ZMIZ1: variants seen among roughly 807,000 people sequenced by gnomAD.
ZMIZ1 encodes zinc finger MIZ domain-containing protein 1.
Under a neutral mutation model 113.9 loss-of-function variants are expected in ZMIZ1, and 17 were observed. The ratio of observed to expected loss-of-function variants is 0.15; its 90% confidence interval spans 0.10 to 0.22. The LOEUF is 0.22. Ranked by LOEUF, ZMIZ1 falls within the 10% of genes least tolerant of loss-of-function variation. ZMIZ1 has a pLI of 1.00. For missense variants in ZMIZ1, 1,059 were observed against 1,477.8 expected (o/e 0.72, Z 4.65); for synonymous variants, 607 against 603.1 (o/e 1.01, Z -0.09).
chr10:79,089,097 T>C (rs1274954400), intron 1 of ZMIZ1, among the ~76,000 whole-genome samples: 1 of 152,252 alleles, frequency 6.6e-6, no homozygotes, highest in Admixed American at 6.5e-5. Flanking sequence ...TGTCTGCCCC[T>C]GCCCCTCCGA....
intron 24 of ZMIZ1, 74 bp downstream of exon 24, chr10:79,311,258 G>C: frequency 1.4e-6 from 2 of 1,400,270 alleles, no homozygotes; most frequent in South Asian, 1.3e-5. Flanking sequence ...GAAGGGGTGG[G>C]TGTGAGGGCT....
chr10:79,194,194 C>T (rs1022776009), intron 4 of ZMIZ1, among the ~76,000 whole-genome samples: 1 of 152,222 alleles, frequency 6.6e-6, no homozygotes, highest in Non-Finnish European at 1.5e-5. Flanking sequence ...CACAGCTCCC[C>T]GGGGACCCCC....
chr10:79,304,546 G>A (rs575537603), intron 19 of ZMIZ1, among the ~76,000 whole-genome samples: 67 of 152,312 alleles, frequency 4.4e-4, no homozygotes, highest in African/African-American at 1.3e-3. Flanking sequence ...TAGCCCTGGC[G>A]TGAGTGACAG....
intron 6 of ZMIZ1, among the ~76,000 whole-genome samples, chr10:79,211,309 C>T (rs1201703095): frequency 6.6e-6 from 1 of 152,120 alleles, no homozygotes; most frequent in Non-Finnish European, 1.5e-5. Context: ...GCCTCTGGGC[C>T]CTGTTGCCGG....
intron 1 of ZMIZ1, among the ~76,000 whole-genome samples, chr10:79,087,765 C>CT (rs1242640638): frequency 6.6e-6 from 1 of 152,244 alleles, no homozygotes; most frequent in Non-Finnish European, 1.5e-5. Flanking sequence ...CCTCTCTGCT[C>CT]TGTCTGCCTG....
chr10:79,103,542 A>T (rs915576026), intron 1 of ZMIZ1, among the ~76,000 whole-genome samples: 3 of 147,628 alleles, frequency 2.0e-5, no homozygotes, highest in African/African-American at 7.6e-5. Flanking sequence ...GGGGGTGGAG[A>T]GGGCATTTGA....
chr10:79,151,972 C>T (rs1845731104), intron 3 of ZMIZ1, among the ~76,000 whole-genome samples: 1 of 152,214 alleles, frequency 6.6e-6, no homozygotes, highest in Non-Finnish European at 1.5e-5. Flanking sequence ...GCCATCTGGG[C>T]CCCCTGGGCT....
chr10:79,089,390 C>T (rs1433960133), intron 1 of ZMIZ1, among the ~76,000 whole-genome samples: 1 of 152,228 alleles, frequency 6.6e-6, no homozygotes, highest in East Asian at 1.9e-4. Context: ...GCTCACTTTC[C>T]TTCTACGAGA....
chr10:79,231,583 T>G lies in ZMIZ1; in HGVS notation c.280+15309T>G, dbSNP rs541707695. On this transcript the variant is annotated intron_variant, in intron 7 of 24. Coordinates refer to ENST00000334512, the MANE Select transcript of ZMIZ1 (RefSeq NM_020338.4). ...GGGGGTTTTGTTTGTTTGTTTTTTG[T>G]TTTTTTTTGTTTTGAGACGGAGTCT... Among the ~76,000 whole-genome samples, 715 of 150,320 alleles carry G rather than the reference T, an allele frequency of 4.8e-3. 7 individuals are homozygous for G. Among genetic ancestry groups the G allele is most frequent in the African/African-American group, 0.016 (653 of 40,808 alleles).
At chr10:79,132,676 A>G (rs2132379451) in intron 2 of ZMIZ1, among the ~76,000 whole-genome samples, 1 of 152,336 alleles carries the variant, frequency 6.6e-6, no homozygotes, top group African/African-American at 2.4e-5. Context: ...TCACAGCACA[A>G]AGCAGTGGTG....
chr10:79,144,518 C>T (rs1451496115), intron 3 of ZMIZ1, among the ~76,000 whole-genome samples: 1 of 152,122 alleles, frequency 6.6e-6, no homozygotes, highest in Non-Finnish European at 1.5e-5. Flanking sequence ...TGTGTCCCCA[C>T]CCCACCCCAC....
chr10:79,231,240 G>A (rs1849382452), intron 7 of ZMIZ1, among the ~76,000 whole-genome samples: 2 of 152,224 alleles, frequency 1.3e-5, no homozygotes, highest in Admixed American at 1.3e-4. Context: ...AAGAAGCTTG[G>A]AGTTATTGTT....
At chr10:79,243,925 G>C (rs1368101766) in intron 7 of ZMIZ1, among the ~76,000 whole-genome samples, 1 of 152,224 alleles carries the variant, frequency 6.6e-6, no homozygotes, top group Non-Finnish European at 1.5e-5. Context: ...GGCGTGCACC[G>C]GGCCGGTTTT....
intron 2 of ZMIZ1, among the ~76,000 whole-genome samples, chr10:79,135,680 C>T (rs1844970764): frequency 6.6e-6 from 1 of 152,326 alleles, no homozygotes; most frequent in African/African-American, 2.4e-5. Flanking sequence ...GTCAGCGTGG[C>T]CCATTGGCCC....
At chr10:79,127,923 C>T (rs1337998747) in intron 2 of ZMIZ1, among the ~76,000 whole-genome samples, 4 of 152,198 alleles carry the variant, frequency 2.6e-5, no homozygotes, top group Non-Finnish European at 5.9e-5. Context: ...GCCCAGCTTC[C>T]CAGGGCCACT....
chr10:79,191,457 T>C (rs1847597699), intron 4 of ZMIZ1, among the ~76,000 whole-genome samples: 1 of 152,048 alleles, frequency 6.6e-6, no homozygotes, highest in South Asian at 2.1e-4. Flanking sequence ...ACCCCTCTCT[T>C]CCCCACTTCA....
intron 2 of ZMIZ1, among the ~76,000 whole-genome samples, chr10:79,134,772 CT>C (rs1301031536): frequency 6.6e-6 from 1 of 151,876 alleles, no homozygotes; most frequent in Non-Finnish European, 1.5e-5. Context: ...GATCATAGTG[CT>C]TTTGATGAGG....
chr10:79,235,568 CCTGA>C (rs369377164), intron 7 of ZMIZ1, among the ~76,000 whole-genome samples: 4 of 152,174 alleles, frequency 2.6e-5, no homozygotes, highest in East Asian at 1.9e-4. Flanking sequence ...CCCTGGCAGC[CCTGA>C]CTGTCAGAAA....
chr10:79,246,624 G>A (rs1035819127), intron 7 of ZMIZ1, among the ~76,000 whole-genome samples: 3 of 151,984 alleles, frequency 2.0e-5, no homozygotes, highest in African/African-American at 4.8e-5. Flanking sequence ...CCTCACCCTT[G>A]CTCTTGCCCC....
Sources: gnomAD v4.1 joint callset for allele counts (sites outside exome capture counted in the v4.1 genomes callset) on GRCh38, gnomAD v4.1.1 for gene constraint, MANE v1.5 for transcripts, NCBI Gene and HGNC (gene_info 2026-07-23, HGNC 2026-07-21) for gene names.